SLC25A26: variants seen among roughly 807,000 people sequenced by gnomAD.
SLC25A26 encodes the protein solute carrier family 25 member 26.
SLC25A26 carries 36 observed loss-of-function variants against 37.8 expected under a neutral mutation model. That is an observed-to-expected ratio of 0.95 (90% CI 0.73 to 1.26). The LOEUF is 1.26. Ranked by LOEUF, SLC25A26 falls within the 50% of genes most tolerant of loss-of-function variation. The pLI, the probability that SLC25A26 is intolerant of heterozygous loss-of-function variation, is 0.00. For synonymous variants in SLC25A26, 129 were observed against 122.5 expected, an observed-to-expected ratio of 1.05 and a Z score of -0.35; for missense variants, 390 against 331.1, an observed-to-expected ratio of 1.18 and a Z score of -1.38.
At chr3:66,224,043 G>A (rs2071624438) in intron 1 of SLC25A26, among the ~76,000 whole-genome samples, 2 of 152,192 alleles carry the variant, frequency 1.3e-5, no homozygotes, top group South Asian at 2.1e-4. Context: ...AATAGTGCTT[G>A]TGAAGAGAAT....
At chr3:66,277,005 A>G (rs551444243) in intron 5 of SLC25A26, among the ~76,000 whole-genome samples, 1 of 151,988 alleles carries the variant, frequency 6.6e-6, no homozygotes, top group African/African-American at 2.4e-5. Context: ...TTTAAGCATA[A>G]TAGTGTTTTC....
At chr3:66,304,570 A>G (rs998593514) in intron 5 of SLC25A26, 2 of 439,998 alleles carry the variant, frequency 4.5e-6, no homozygotes, top group South Asian at 3.3e-5. Flanking sequence ...ATTGCTGAAC[A>G]TGCTAACTGG....
intron 5 of SLC25A26, among the ~76,000 whole-genome samples, chr3:66,336,154 C>T (rs1478442970): frequency 6.6e-6 from 1 of 152,012 alleles, no homozygotes; most frequent in African/African-American, 2.4e-5. Flanking sequence ...TTTGGGAAAC[C>T]ATCAATTAAA....
At position 66,231,069 on chromosome 3, in the gene SLC25A26, G is replaced by A. The variant is rs923920566; in HGVS notation, c.34-5475G>A. 3.3e-5 allele frequency among the ~76,000 whole-genome samples: 5 copies of A among 152,278 alleles called. No homozygotes were observed. The Middle Eastern group carries it at 0.01, about 311-fold the overall frequency. ...ATGTGCCTGTAGTCTCAGCTACTCC[G>A]GAGGCTGAGTCAGGAGAATCGCTTG... On this transcript the variant is annotated intron_variant, in intron 1 of 9. Transcript: ENST00000354883.
In SLC25A26 at chr3:66,346,354, C is replaced by A; in HGVS notation, c.454-10C>A. On this transcript the variant is annotated splice_polypyrimidine_tract_variant and intron_variant, in intron 5 of 9. Coordinates refer to ENST00000354883, the MANE Select transcript of SLC25A26 (RefSeq NM_001379210.1). Reference sequence around the variant, plus strand: ...GCCTAATTTATTTAATTTTTTTTTTCTCTCTTCAGATTCCTTTTTCTTTGG... The same window carrying A: ...GCCTAATTTATTTAATTTTTTTTTTATCTCTTCAGATTCCTTTTTCTTTGG... The A allele has an allele frequency of 7.0e-7, 1 of 1,434,392 alleles. No individual in the cohort carries two copies. Among genetic ancestry groups the A allele is most frequent in the Non-Finnish European group, 9.3e-7 (1 of 1,075,702 alleles). The allele number at this position is 1,434,392 out of a possible 1,614,324, so 88.9% of individuals were successfully genotyped here.
chr3:66,175,462 T>G (rs142517401), intron 1 of SLC25A26, among the ~76,000 whole-genome samples: 13,307 of 152,022 alleles, frequency 0.088, 737 homozygotes, highest in Middle Eastern at 0.19. Context: ...TGACCTCAGG[T>G]GATTCACCCG....
At chr3:66,310,449 C>T (rs1240763182) in intron 5 of SLC25A26, among the ~76,000 whole-genome samples, 1 of 152,136 alleles carries the variant, frequency 6.6e-6, no homozygotes, top group Non-Finnish European at 1.5e-5. Flanking sequence ...TTAACTCTAT[C>T]CAATTTGCCA....
intron 6 of SLC25A26, among the ~76,000 whole-genome samples, chr3:66,350,280 G>GAC (rs2076419181): frequency 1.3e-5 from 2 of 152,260 alleles, no homozygotes; most frequent in East Asian, 3.9e-4. Context: ...ATTCAACTCT[G>GAC]TCTAAAAGTC....
chr3:66,145,909 A>G (rs1355604454), intron 1 of SLC25A26, among the ~76,000 whole-genome samples: 1 of 152,258 alleles, frequency 6.6e-6, no homozygotes, highest in East Asian at 1.9e-4. Context: ...AATAACTAAT[A>G]ATAACGTTCT....
chr3:66,152,783 TGGTACACA>T (rs1382271141), intron 1 of SLC25A26, among the ~76,000 whole-genome samples: 7 of 152,224 alleles, frequency 4.6e-5, no homozygotes, highest in African/African-American at 1.7e-4. Flanking sequence ...TGGGTCCTGA[TGGTACACA>T]GGTGCTCAAG....
intron 6 of SLC25A26, among the ~76,000 whole-genome samples, chr3:66,347,684 T>C (rs1039989222): frequency 5.3e-5 from 8 of 152,212 alleles, no homozygotes; most frequent in Non-Finnish European, 1.0e-4. Context: ...CATATATTCA[T>C]TGCAGCACTA....
rs554294424 is a variant in SLC25A26, at chr3:66,160,612, T to C, written c.-354+26628T>C. On this transcript the variant is annotated intron_variant, in intron 1 of 10. Transcript: ENST00000676754. Reference sequence around the variant, plus strand: ...TGTGACAAAACTTTAATTGACATATTGGCTTAATACACAATTATGAAAATT... The same window carrying C: ...TGTGACAAAACTTTAATTGACATATCGGCTTAATACACAATTATGAAAATT... Among the ~76,000 whole-genome samples the C allele has an allele frequency of 2.6e-5, 4 of 152,350 alleles. No individual in the cohort carries two copies. The South Asian group carries it at 8.3e-4, about 32-fold the overall frequency.
intron 2 of SLC25A26, among the ~76,000 whole-genome samples, chr3:66,238,386 T>C (rs188438006): frequency 2.0e-5 from 3 of 152,090 alleles, no homozygotes; most frequent in Admixed American, 6.6e-5. Context: ...ATTATTATTA[T>C]TATTATTTTT....
At chr3:66,152,512 G>A (rs1294096614) in intron 1 of SLC25A26, among the ~76,000 whole-genome samples, 4 of 152,146 alleles carry the variant, frequency 2.6e-5, no homozygotes, top group African/African-American at 9.7e-5. Flanking sequence ...GCCCTCCTTG[G>A]AGTGTCCTTT....
intron 6 of SLC25A26, among the ~76,000 whole-genome samples, chr3:66,351,644 G>C (rs2076456607): frequency 6.6e-6 from 1 of 152,142 alleles, no homozygotes; most frequent in African/African-American, 2.4e-5. Context: ...GGATGTCTCT[G>C]AGTGGCTAGG....
intron 5 of SLC25A26, among the ~76,000 whole-genome samples, chr3:66,275,452 T>C (rs151292013): frequency 6.6e-6 from 1 of 152,136 alleles, no homozygotes; most frequent in Non-Finnish European, 1.5e-5. Context: ...CTAGAATGTA[T>C]GCATCAGGAG....
chr3:66,367,681 TAGAC>T (rs3054005), intron 7 of SLC25A26, among the ~76,000 whole-genome samples: 10,767 of 136,598 alleles, frequency 0.079, 464 homozygotes, highest in African/African-American at 0.13. Flanking sequence ...GATAGATAGA[TAGAC>T]AGACAGACAG....
chr3:66,288,164 A>G (rs1368297836), intron 5 of SLC25A26, among the ~76,000 whole-genome samples: 1 of 152,172 alleles, frequency 6.6e-6, no homozygotes, highest in African/African-American at 2.4e-5. Flanking sequence ...CAGTAATTGG[A>G]TATTTTAAAG....
chr3:66,219,367 G>T (rs952597057), upstream of SLC25A26, among the ~76,000 whole-genome samples: 1 of 152,132 alleles, frequency 6.6e-6, no homozygotes, highest in African/African-American at 2.4e-5. Context: ...ATGTTGTCAC[G>T]TATGGCAAAA....
Sources: allele counts gnomAD v4.1 joint callset (sites outside exome capture counted in the v4.1 genomes callset), GRCh38; gene constraint gnomAD v4.1.1; transcripts MANE v1.5; gene names NCBI Gene and HGNC (gene_info 2026-07-23, HGNC 2026-07-21).